Variants in CDH12 observed in about 807,000 individuals in gnomAD.
CDH12 encodes the protein cadherin 12.
A neutral mutation model predicts 74.1 loss-of-function variants in CDH12; 41 were observed. The ratio of observed to expected loss-of-function variants is 0.55; its 90% CI spans 0.43 to 0.72. The LOEUF is 0.72. CDH12 is among the 30% of genes least tolerant of loss of function. The pLI is 0.00. For synonymous variants in CDH12, 399 were observed against 355.0 expected (o/e 1.12, Z -1.39); for missense variants, 945 against 977.2 (o/e 0.97, Z 0.44).
intron 3 of CDH12, among the ~76,000 whole-genome samples, chr5:22,295,491 C>G (rs1322996752): frequency 6.6e-6 from 1 of 152,078 alleles, no homozygotes; most frequent in Non-Finnish European, 1.5e-5. Flanking sequence ...ACTCTTTGAT[C>G]TAGAAAAACC....
At chr5:21,883,361 T>C (rs1341492386) in intron 6 of CDH12, 3 of 1,530,834 alleles carry the variant, frequency 2.0e-6, no homozygotes, top group Non-Finnish European at 2.7e-6. Context: ...TCCAGTCCAT[T>C]GTACCTGCTC....
chr5:21,901,878 G>A (rs958507128), intron 6 of CDH12, among the ~76,000 whole-genome samples: 1 of 151,454 alleles, frequency 6.6e-6, no homozygotes, highest in South Asian at 2.1e-4. Context: ...TGCTCCAACT[G>A]TATATAATTT....
At chr5:22,592,174 A>G (rs951587451) in intron 1 of CDH12, among the ~76,000 whole-genome samples, 1 of 152,236 alleles carries the variant, frequency 6.6e-6, no homozygotes, top group African/African-American at 2.4e-5. Flanking sequence ...AGTTACATTT[A>G]TGAATTAAAA....
chr5:22,753,855 T>C lies in CDH12; in HGVS notation c.-523+99203A>G, dbSNP rs1416168262. Among the ~76,000 whole-genome samples, 5 of 152,232 alleles carry C rather than the reference T, an allele frequency of 3.3e-5. No individual in the cohort carries two copies. In the East Asian group the frequency reaches 9.7e-4, roughly 29 times the overall value. On this transcript the variant is annotated intron_variant, in intron 1 of 14. Coordinates refer to ENST00000382254, the MANE Select transcript of CDH12 (RefSeq NM_004061.5). ...TTCTTAAAAATTTTCCATAACAATT[T>C]GCTTTGCTAACAAAAACCAAAGAAA...
At chr5:21,809,610 A>G (rs1039481320) in intron 9 of CDH12, among the ~76,000 whole-genome samples, 2 of 152,170 alleles carry the variant, frequency 1.3e-5, no homozygotes, top group Admixed American at 1.3e-4. Context: ...ATTTTTCTAA[A>G]TTATTTGCAA....
rs181301413 is a variant in CDH12, at chr5:21,978,832, C to G, written c.232-3447G>C. Reference sequence around the variant, plus strand: ...AAAAAGGCAACTGTCAAGACTAAAGCTATAATAATTTTTATGAATCTTAGA... The same window carrying G: ...AAAAAGGCAACTGTCAAGACTAAAGGTATAATAATTTTTATGAATCTTAGA... On this transcript the variant is annotated intron_variant, in intron 5 of 14. Transcript: ENST00000382254. Among the ~76,000 whole-genome samples, 184 of 152,154 alleles carry G rather than the reference C, an allele frequency of 1.2e-3. 1 individual carries two copies. Among genetic ancestry groups the G allele is most frequent in the South Asian group, 5.4e-3 (26 of 4,816 alleles).
chr5:22,423,969 C>G (rs2966950), intron 2 of CDH12, among the ~76,000 whole-genome samples: 23,047 of 130,652 alleles, frequency 0.18, 1,953 homozygotes, highest in Middle Eastern at 0.29. Context: ...CGCCACTGCA[C>G]TCCAGCCTGG....
intron 1 of CDH12, among the ~76,000 whole-genome samples, chr5:22,560,292 G>A (rs897813998): frequency 2.0e-5 from 3 of 152,120 alleles, no homozygotes; most frequent in African/African-American, 4.8e-5. Context: ...CTGCTGACCT[G>A]CTTCATCCTC....
intron 5 of CDH12, among the ~76,000 whole-genome samples, chr5:22,060,255 G>C (rs114815098): frequency 3.1e-4 from 47 of 151,892 alleles, no homozygotes; most frequent in African/African-American, 1.1e-3. Flanking sequence ...ACTCATAAGT[G>C]GGAGATTAAC....
intron 6 of CDH12, among the ~76,000 whole-genome samples, chr5:21,913,108 G>A (rs552136853): frequency 6.6e-6 from 1 of 152,304 alleles, no homozygotes; most frequent in East Asian, 1.9e-4. Flanking sequence ...CTCCCAAAGT[G>A]CTAGGATTAC....
At chr5:22,415,585 T>C (rs1743348381) in intron 2 of CDH12, among the ~76,000 whole-genome samples, 1 of 152,188 alleles carries the variant, frequency 6.6e-6, no homozygotes, top group Non-Finnish European at 1.5e-5. Flanking sequence ...GGCTGGCTTG[T>C]TGAAAAATGA....
chr5:22,287,217 C>G (rs1737179048), intron 3 of CDH12, among the ~76,000 whole-genome samples: 1 of 152,112 alleles, frequency 6.6e-6, no homozygotes, highest in Admixed American at 6.5e-5. Context: ...AGAAGAGTCT[C>G]CTTTTGCCAT....
rs561978096 is a variant in CDH12 at position 22,567,132 on chromosome 5, T to C, written c.-522-61768A>G. ...ATATACTTGTGGTAATATTGAAGAA[T>C]AGTCATCTTCAAGCTACTTATAGCA... On this transcript the variant is annotated intron_variant, in intron 1 of 14. Coordinates refer to ENST00000382254, the MANE Select transcript of CDH12 (RefSeq NM_004061.5). Among the ~76,000 whole-genome samples, 56 of 152,310 alleles carry C rather than the reference T, an allele frequency of 3.7e-4. 1 individual carries two copies. The highest frequency in any genetic ancestry group is 6.3e-4 in the Non-Finnish European group (43 of 68,030).
chr5:22,560,960 C>T lies in CDH12; in HGVS notation c.-522-55596G>A, dbSNP rs139709064. Among the ~76,000 whole-genome samples the T allele has an allele frequency of 2.3e-3, 354 of 152,120 alleles. 1 individual carries two copies. The highest frequency in any genetic ancestry group is 5.9e-3 in the Admixed American group (90 of 15,272). On this transcript the variant is annotated intron_variant, in intron 1 of 14. Transcript: ENST00000382254. ...GTTGGGACTACTTAATATTCTGTTACAGAAAGAGACAAAAAAGGTGGTAAC... is the reference window on the plus strand; with the variant it reads ...GTTGGGACTACTTAATATTCTGTTATAGAAAGAGACAAAAAAGGTGGTAAC...
At chr5:21,893,559 C>T (rs1053030043) in intron 6 of CDH12, among the ~76,000 whole-genome samples, 1 of 152,148 alleles carries the variant, frequency 6.6e-6, no homozygotes, top group Non-Finnish European at 1.5e-5. Context: ...TGTAGTACCC[C>T]AAAATCAGTT....
At chr5:22,016,298 T>G (rs1580117261) in intron 5 of CDH12, among the ~76,000 whole-genome samples, 1 of 152,146 alleles carries the variant, frequency 6.6e-6, no homozygotes, top group African/African-American at 2.4e-5. Flanking sequence ...TTGCTAATCT[T>G]AATTAAATGA....
intron 8 of CDH12, among the ~76,000 whole-genome samples, chr5:21,832,952 TATGTA>T (rs1749151510): frequency 1.1e-5 from 1 of 94,874 alleles, no homozygotes; most frequent in East Asian, 2.8e-4. Flanking sequence ...AATATCATAT[TATGTA>T]ATATGATATA....
chr5:21,824,250 C>T (rs1561215723), intron 8 of CDH12, among the ~76,000 whole-genome samples: 1 of 151,950 alleles, frequency 6.6e-6, no homozygotes, highest in Non-Finnish European at 1.5e-5. Flanking sequence ...TTTCACCTCA[C>T]CATTGGAGGC....
intron 1 of CDH12, among the ~76,000 whole-genome samples, chr5:22,560,771 C>A (rs1355442596): frequency 1.3e-5 from 2 of 151,962 alleles, no homozygotes; most frequent in Admixed American, 6.6e-5. Context: ...TATTAATGTG[C>A]CTTAACAAGT....
Sources: allele counts gnomAD v4.1 joint callset (sites outside exome capture counted in the v4.1 genomes callset), GRCh38; gene constraint gnomAD v4.1.1; transcripts MANE v1.5; gene names NCBI Gene and HGNC (gene_info 2026-07-23, HGNC 2026-07-21).